Variants in NDUFA5 observed in about 807,000 individuals in gnomAD.
The protein encoded by NDUFA5 is NADH:ubiquinone oxidoreductase subunit A5.
NDUFA5 carries 11 observed loss-of-function variants against 19.8 expected under a neutral mutation model. The observed-to-expected ratio is 0.56, with a 90% CI of 0.35 to 0.92. The LOEUF (loss-of-function observed/expected upper bound fraction) is 0.92, where lower values mean the gene tolerates loss of function less well. NDUFA5 is among the 40% of genes least tolerant of loss of function. The pLI, the probability that NDUFA5 is intolerant of heterozygous loss-of-function variation, is 0.01. For synonymous variants in NDUFA5, 47 were observed against 46.8 expected (o/e 1.00, Z -0.01); for missense variants, 109 against 134.2 (o/e 0.81, Z 0.93).
chr7:123,587,082 T>C, the NDUFA5 span, among the ~76,000 whole-genome samples: 1 of 151,750 alleles, frequency 6.6e-6, no homozygotes, highest in East Asian at 1.9e-4. Flanking sequence ...AATTTCAATA[T>C]ATTCCTCCCA....
At chr7:123,588,995 C>G in the NDUFA5 span, among the ~76,000 whole-genome samples, 1 of 151,640 alleles carries the variant, frequency 6.6e-6, no homozygotes, top group Non-Finnish European at 1.5e-5. Context: ...CATGATCTAT[C>G]CTGGAGAATA....
At chr7:123,596,380 T>C in the NDUFA5 span, 1 of 151,706 alleles carries the variant, frequency 6.6e-6, no homozygotes, top group African/African-American at 2.4e-5. Context: ...GAAGGGTGGG[T>C]AGATTGCTCG....
the NDUFA5 span, among the ~76,000 whole-genome samples, chr7:123,582,415 C>T: frequency 2.6e-5 from 4 of 151,896 alleles, no homozygotes; most frequent in East Asian, 1.9e-4. Context: ...TCATTGCCAC[C>T]GTCCTGGAGG....
rs1797820216 is a variant in NDUFA5, at chr7:123,538,512, C to G, written c.*3607G>C. ...CTTTTCTCTAAAACAATTGGCATTA[C>G]TATTGTTGTAGCATAGGCTACAATC... On this transcript the variant is annotated 3_prime_UTR_variant, in exon 5 of 5. Coordinates refer to ENST00000355749, the MANE Select transcript of NDUFA5 (RefSeq NM_005000.5). 1 of 152,194 alleles carries G rather than the reference C, an allele frequency of 6.6e-6. No homozygotes were observed. 9.4% of individuals were successfully genotyped at this position (152,194 alleles called of 1,614,324 possible).
the NDUFA5 span, among the ~76,000 whole-genome samples, chr7:123,583,723 C>T: frequency 6.6e-6 from 1 of 151,860 alleles, no homozygotes; most frequent in Non-Finnish European, 1.5e-5. Flanking sequence ...TCTTCTGATC[C>T]TTAAGCATAA....
At chr7:123,586,518 T>C in the NDUFA5 span, among the ~76,000 whole-genome samples, 1 of 151,870 alleles carries the variant, frequency 6.6e-6, no homozygotes, top group Non-Finnish European at 1.5e-5. Context: ...TTTTCTTTCG[T>C]TGATTGTTTC....
chr7:123,593,359 C>T, the NDUFA5 span, among the ~76,000 whole-genome samples: 1 of 152,158 alleles, frequency 6.6e-6, no homozygotes, highest in African/African-American at 2.4e-5. Context: ...GCAGTTTCTT[C>T]ACAGCCTCGA....
the NDUFA5 span, among the ~76,000 whole-genome samples, chr7:123,578,237 T>C: frequency 1.3e-5 from 2 of 150,924 alleles, no homozygotes; most frequent in Non-Finnish European, 3.0e-5. Context: ...TACCTGCTGA[T>C]ATTTTGTATC....
At chr7:123,570,839 A>C in the NDUFA5 span, among the ~76,000 whole-genome samples, 1 of 152,104 alleles carries the variant, frequency 6.6e-6, no homozygotes, top group South Asian at 2.1e-4. Context: ...TAACAAATTT[A>C]CCTGTCCATA....
In NDUFA5 at chr7:123,557,537, G is replaced by A. The variant is rs770347796; in HGVS notation, c.22-89C>T. 6.8e-6 allele frequency: 11 copies of A among 1,610,854 alleles called. No homozygotes were observed. The African/African-American group carries it at 1.2e-4, about 18-fold the overall frequency. ...GGAAATACAAAACCACGAATCCCCC[G>A]GCTAAAACTGGTCTAAAGCCAGCTA... On this transcript the variant is annotated intron_variant, in intron 1 of 4. Transcript: ENST00000355749.
the NDUFA5 span, among the ~76,000 whole-genome samples, chr7:123,587,965 A>C: frequency 2.6e-5 from 4 of 151,724 alleles, no homozygotes; most frequent in Non-Finnish European, 5.9e-5. Flanking sequence ...TTTTGCATCT[A>C]TGTTCATCAG....
chr7:123,563,052 C>T, the NDUFA5 span, among the ~76,000 whole-genome samples: 2 of 152,234 alleles, frequency 1.3e-5, no homozygotes, highest in Middle Eastern at 3.4e-3. Flanking sequence ...CCGCCCACCT[C>T]GGTCTCTGAA....
Position 123,546,842 on chromosome 7 carries a change from C to T in NDUFA5, c.184-1166G>A, listed in dbSNP as rs1229077171. 4 of 509,734 alleles carry T rather than the reference C, an allele frequency of 7.8e-6. No individual in the cohort carries two copies. In the African/African-American group the frequency reaches 7.9e-5, roughly 10 times the overall value. The allele number at this position is 509,734 out of a possible 1,614,324, so 31.6% of individuals were successfully genotyped here. ...GCTGAAAAATACCACAAAAGATATA[C>T]ATGTATTAATTTCTAGAAACTGTGA... On this transcript the variant is annotated intron_variant, in intron 3 of 4. Transcript: ENST00000355749.
chr7:123,544,788 A>AAAG (rs2116068011), intron 4 of NDUFA5, among the ~76,000 whole-genome samples: 1 of 149,574 alleles, frequency 6.7e-6, no homozygotes, highest in African/African-American at 2.4e-5. Flanking sequence ...AAAAAAAAAA[A>AAAG]AGAGTTATCA....
At chr7:123,575,373 T>C in the NDUFA5 span, among the ~76,000 whole-genome samples, 12 of 152,238 alleles carry the variant, frequency 7.9e-5, no homozygotes, top group African/African-American at 2.9e-4. Flanking sequence ...TTCATACCTC[T>C]ATTATTTTGG....
intron 3 of NDUFA5, among the ~76,000 whole-genome samples, chr7:123,548,837 A>G (rs1386593141): frequency 6.6e-6 from 1 of 152,198 alleles, no homozygotes; most frequent in African/African-American, 2.4e-5. Context: ...ACAGAAAACC[A>G]CAGTAAGATT....
At position 123,540,890 on chromosome 7, in the gene NDUFA5, G is replaced by GCGCGCGCA. The variant is rs766305834; in HGVS notation, c.*1228_*1229insTGCGCGCG. The GCGCGCGCA allele has an allele frequency of 0.043, 5,739 of 133,868 alleles. 122 individuals carry two copies. Among genetic ancestry groups the GCGCGCGCA allele is most frequent in the Admixed American group, 0.06 (810 of 13,454 alleles). The allele number at this position is 133,868 out of a possible 1,614,324, so 8.3% of individuals were successfully genotyped here. ...TCTGAGCAAATGTGCGCATGCGCGT[G>GCGCGCGCA]CACACACACACACACACACACACAC... On this transcript the variant is annotated 3_prime_UTR_variant, in exon 5 of 5. Transcript: ENST00000355749.
At chr7:123,595,090 G>A in the NDUFA5 span, among the ~76,000 whole-genome samples, 19 of 152,234 alleles carry the variant, frequency 1.2e-4, no homozygotes, top group African/African-American at 4.3e-4. Context: ...GCAAGGCTCC[G>A]TGGACGTGGA....
At chr7:123,601,035 C>T in the NDUFA5 span, among the ~76,000 whole-genome samples, 5 of 152,060 alleles carry the variant, frequency 3.3e-5, no homozygotes, top group African/African-American at 1.2e-4. Flanking sequence ...GTCACTGAGA[C>T]CTGCAAAACG....
Sources: allele counts gnomAD v4.1 joint callset (sites outside exome capture counted in the v4.1 genomes callset), GRCh38; gene constraint gnomAD v4.1.1; transcripts MANE v1.5; gene names NCBI Gene and HGNC (gene_info 2026-07-23, HGNC 2026-07-21).